NACC1: variants seen among roughly 807,000 people sequenced by gnomAD.
NACC1 encodes nucleus accumbens associated 1, also known as nucleus accumbens-associated protein 1.
A neutral mutation model predicts 41.7 loss-of-function variants in NACC1; 6 were observed. The ratio of observed to expected loss-of-function variants is 0.14; its 90% CI spans 0.08 to 0.28. NACC1 has a LOEUF of 0.28. Among genes scored for constraint, NACC1 ranks in the 10% least tolerant of loss-of-function variants. The pLI is 1.00. For synonymous variants in NACC1, 338 were observed against 330.6 expected (o/e 1.02, Z -0.24); for missense variants, 434 against 763.7 (o/e 0.57, Z 5.09).
chr19:13,138,527 C>A lies in NACC1; in HGVS notation c.*121C>A. ...ACCCGCGGTGGGTGCTGCATGTTCC[C>A]GGCCCTCTGCCCCTCCTGTCCTACC... On this transcript the variant is annotated 3_prime_UTR_variant, in exon 6 of 6. Transcript: ENST00000292431. The surrounding 1 kb of genome is among the most constrained non-coding windows in gnomAD (Gnocchi z 5.7). The A allele has an allele frequency of 1.4e-6, 2 of 1,402,086 alleles. No individual in the cohort carries two copies. Among genetic ancestry groups the A allele is most frequent in the South Asian group, 2.7e-5 (2 of 73,836 alleles). 86.9% of individuals were successfully genotyped at this position (1,402,086 alleles called of 1,614,324 possible).
At chr19:13,126,331 G>A (rs62109912) in intron 1 of NACC1, among the ~76,000 whole-genome samples, 33 of 152,300 alleles carry the variant, frequency 2.2e-4, no homozygotes, top group Non-Finnish European at 1.2e-4. Flanking sequence ...GGTTACAGGC[G>A]TGAGTCACCG....
chr19:13,127,245 C>T (rs1276631695), intron 1 of NACC1, among the ~76,000 whole-genome samples: 2 of 144,560 alleles, frequency 1.4e-5, no homozygotes, highest in South Asian at 2.2e-4. Flanking sequence ...TGCCTATAAT[C>T]GCAGGGTTTT....
chr19:13,128,084 G>C (rs566127169), intron 1 of NACC1, among the ~76,000 whole-genome samples: 1 of 152,300 alleles, frequency 6.6e-6, no homozygotes, highest in South Asian at 2.1e-4. Flanking sequence ...AGCTGGTGAA[G>C]CTACGGCATT....
rs1190934712 is a variant in NACC1, at chr19:13,138,025, C to T, written c.1325-122C>T. The T allele has an allele frequency of 3.3e-5, 47 of 1,423,582 alleles. No individual in the cohort carries two copies. The highest frequency in any genetic ancestry group is 6.9e-5 in the East Asian group (3 of 43,416). The allele number at this position is 1,423,582 out of a possible 1,614,324, so 88.2% of individuals were successfully genotyped here. Reference sequence around the variant, plus strand: ...GGTGCACGTAGTGTGGTGTCCTGGCCGCGTGGCCTCACTCGTTTCCCCTTT... The same window carrying T: ...GGTGCACGTAGTGTGGTGTCCTGGCTGCGTGGCCTCACTCGTTTCCCCTTT... On this transcript the variant is annotated intron_variant, in intron 5 of 5. Transcript: ENST00000292431. This position sits in a 1 kb window ranked among gnomAD's most constrained non-coding sequence, Gnocchi z 5.7.
intron 1 of NACC1, chr19:13,132,212 T>G (rs984772979): frequency 2.0e-5 from 3 of 151,464 alleles, no homozygotes; most frequent in Non-Finnish European, 4.4e-5. Context: ...GGTCAGTAGT[T>G]CAAGACCAGC....
chr19:13,136,291 G>A lies in NACC1; in HGVS notation c.1006G>A (p.Val336Ile). The change falls in exon 3 of 6, where the codon GTT (valine) becomes ATT (isoleucine). Residue 336 changes from valine (V) to isoleucine (I), a missense_variant. Physicochemically the swap from Val to Ile is conservative, Grantham distance 29. This residue lies in a region of NACC1 where 234 missense variants were observed against 308.3 expected (regional missense o/e 0.76). Transcript: ENST00000292431. This position sits in a 1 kb window ranked among gnomAD's most constrained non-coding sequence, Gnocchi z 5.5. ...VAPESRNRIR[V>I]RQDLASLPAE... Reference sequence around the variant, plus strand: ...CCCCGAGTCCCGAAATCGCATCCGGGTTCGGCAAGACCTGGCGTCTCTCCC... The same window carrying A: ...CCCCGAGTCCCGAAATCGCATCCGGATTCGGCAAGACCTGGCGTCTCTCCC... The A allele has an allele frequency of 6.2e-7, 1 of 1,614,118 alleles. No homozygotes were observed. The highest frequency in any genetic ancestry group is 8.5e-7 in the Non-Finnish European group (1 of 1,180,022).
rs778229137 is a variant in NACC1, at chr19:13,138,370, G to T, written c.1548G>T (p.Glu516Asp). 6.2e-7 allele frequency: 1 copy of T among 1,613,052 alleles called. No individual in the cohort carries two copies. The highest frequency in any genetic ancestry group is 1.1e-5 in the South Asian group (1 of 91,086). ...VEHGFETASH[E>D]GEAGPSAEAL... ...ATGGCTTCGAGACCGCCAGCCACGAGGGCGAGGCGGGTCCCTCGGCTGAAG... is the reference window on the plus strand; with the variant it reads ...ATGGCTTCGAGACCGCCAGCCACGATGGCGAGGCGGGTCCCTCGGCTGAAG... Residue 516 changes from glutamate (E) to aspartate (D), a missense_variant, in exon 6 of 6, where the codon GAG becomes GAT. Transcript: ENST00000292431. The surrounding 1 kb of genome is among the most constrained non-coding windows in gnomAD (Gnocchi z 5.7).
At chr19:13,124,392 T>G (rs2145613376) in intron 1 of NACC1, among the ~76,000 whole-genome samples, 1 of 151,846 alleles carries the variant, frequency 6.6e-6, no homozygotes, top group Non-Finnish European at 1.5e-5. Flanking sequence ...AGAGGAAGAC[T>G]GTCTCAACAA....
rs764977943 is a variant in NACC1, at chr19:13,137,447, C to T, written c.1227-31C>T. On this transcript the variant is annotated intron_variant, in intron 4 of 5. Transcript: ENST00000292431. The surrounding 1 kb of genome is among the most constrained non-coding windows in gnomAD (Gnocchi z 6.1). ...ATGTCCCCCCCACCACCAACTTGAG[C>T]GCTGACTCCCTCCATGTCCCCTGCC... is the stretch of plus-strand genomic sequence containing the variant. 28 of 1,609,940 alleles carry T rather than the reference C, an allele frequency of 1.7e-5. No homozygotes were observed. The highest frequency in any genetic ancestry group is 1.6e-4 in the Middle Eastern group (1 of 6,074).
At chr19:13,134,286 C>T (rs1480589926) in intron 1 of NACC1, among the ~76,000 whole-genome samples, 2 of 152,066 alleles carry the variant, frequency 1.3e-5, no homozygotes, top group Non-Finnish European at 2.9e-5. Flanking sequence ...TCTCAATCTC[C>T]TAGGCTCAAG....
intron 1 of NACC1, among the ~76,000 whole-genome samples, chr19:13,123,654 A>G (rs751724585): frequency 3.4e-4 from 51 of 152,160 alleles, no homozygotes; most frequent in Admixed American, 5.9e-4. Flanking sequence ...CTGTTTCTGG[A>G]GAGGACACAT....
chr19:13,134,080 G>A (rs1203814731), intron 1 of NACC1, among the ~76,000 whole-genome samples: 1 of 152,062 alleles, frequency 6.6e-6, no homozygotes, highest in Non-Finnish European at 1.5e-5. Flanking sequence ...TTTTGAGACA[G>A]TGTCTCTGTC....
rs1423162605 is a variant in NACC1 at position 13,139,696 on chromosome 19, A to AGGGCC, written c.*1294_*1298dup. 5 of 152,648 alleles carry AGGGCC rather than the reference A, an allele frequency of 3.3e-5. No individual in the cohort carries two copies. Among genetic ancestry groups the AGGGCC allele is most frequent in the Admixed American group, 6.5e-5 (1 of 15,306 alleles). 9.5% of individuals were successfully genotyped at this position (152,648 alleles called of 1,614,324 possible). A position where few individuals can be genotyped will look rare whatever the true frequency, so the allele number is the denominator to read the frequency against. On this transcript the variant is annotated 3_prime_UTR_variant, in exon 6 of 6. Transcript: ENST00000292431. ...TCCTGGGGGCTGGGCAGGGCAGGGC[A>AGGGCC]GGGCCGGGTCCACTTCCATTGTTAG...
rs771675159 is a variant in NACC1, at chr19:13,136,178, C to A, written c.946+25C>A. The A allele has an allele frequency of 3.1e-6, 5 of 1,603,052 alleles. No individual in the cohort carries two copies. The Admixed American group carries it at 8.4e-5, about 27-fold the overall frequency. On this transcript the variant is annotated intron_variant, in intron 2 of 5. Coordinates refer to ENST00000292431, the MANE Select transcript of NACC1 (RefSeq NM_052876.4). This position sits in a 1 kb window ranked among gnomAD's most constrained non-coding sequence, Gnocchi z 5.5. The stretch of plus-strand genomic sequence containing the variant: ...GGTGAGGTGCCGTCCTGTCCCCCAT[C>A]CCACCAGCCACCCCTGCTCCTCCTG...
Position 13,135,285 on chromosome 19 carries a change from G to A in NACC1, c.78G>A (p.Gln26=), listed in dbSNP as rs907100854. 9 of 1,613,744 alleles carry A rather than the reference G, an allele frequency of 5.6e-6. No homozygotes were observed. The African/African-American group carries it at 9.3e-5, about 17-fold the overall frequency. The part of the protein sequence containing the change: ...ILECLNEQRL[Q]GLYCDVSVVV... ...AGTGCCTCAATGAACAGCGGCTGCA[G>A]GGCCTGTACTGTGACGTGTCAGTGG... The change falls in exon 2 of 6, where the codon CAG becomes CAA. Residue 26 remains glutamine, a synonymous_variant. Coordinates refer to ENST00000292431, the MANE Select transcript of NACC1 (RefSeq NM_052876.4).
chr19:13,122,787 G>C (rs1162298301), intron 1 of NACC1, among the ~76,000 whole-genome samples: 6 of 152,122 alleles, frequency 3.9e-5, no homozygotes, highest in African/African-American at 1.4e-4. Context: ...TGCGAGGTCT[G>C]GGAGATGGTG....
At chr19:13,121,780 G>T (rs935904528) in intron 1 of NACC1, among the ~76,000 whole-genome samples, 1 of 152,116 alleles carries the variant, frequency 6.6e-6, no homozygotes, top group Admixed American at 6.5e-5. Context: ...CAGATCCTCC[G>T]TGCCCCTCGT....
chr19:13,129,453 G>A (rs1317197456), intron 1 of NACC1, among the ~76,000 whole-genome samples: 2 of 151,216 alleles, frequency 1.3e-5, no homozygotes, highest in Non-Finnish European at 1.5e-5. Context: ...GGGCCGGATT[G>A]GGCCAATCAC....
Position 13,138,035 on chromosome 19 carries a change from C to T in NACC1, c.1325-112C>T, listed in dbSNP as rs1482527305. The stretch of plus-strand genomic sequence containing the variant: ...GTGTGGTGTCCTGGCCGCGTGGCCT[C>T]ACTCGTTTCCCCTTTGAGAGGGAGT... On this transcript the variant is annotated intron_variant, in intron 5 of 5. Transcript: ENST00000292431. This position sits in a 1 kb window ranked among gnomAD's most constrained non-coding sequence, Gnocchi z 5.7. 12 of 1,499,358 alleles carry T rather than the reference C, an allele frequency of 8.0e-6. No homozygotes were observed. The highest frequency in any genetic ancestry group is 9.0e-6 in the Non-Finnish European group (10 of 1,107,612). 92.9% of individuals were successfully genotyped at this position (1,499,358 alleles called of 1,614,324 possible). A position where few individuals can be genotyped will look rare whatever the true frequency, so the allele number is the denominator to read the frequency against.
Sources: allele counts gnomAD v4.1 joint callset (sites outside exome capture counted in the v4.1 genomes callset), GRCh38; gene constraint gnomAD v4.1.1; regional missense constraint gnomAD v4.1.1; non-coding constraint Gnocchi (gnomAD v3.1); transcripts MANE v1.5; gene names NCBI Gene and HGNC (gene_info 2026-07-23, HGNC 2026-07-21).